The following SWI5 variants were observed in gnomAD, a reference collection of about 807,000 sequenced individuals.
SWI5 encodes the protein SWI5 homologous recombination repair protein.
In SWI5, 12 loss-of-function variants were observed where a neutral mutation model predicts 17.0. The ratio of observed to expected loss-of-function variants is 0.71; its 90% CI spans 0.45 to 1.14. SWI5 has a LOEUF of 1.14. Among genes scored for constraint, SWI5 ranks in the 50% most tolerant of loss-of-function variants. SWI5 has a pLI of 0.00. For missense variants in SWI5, 158 were observed against 162.2 expected, an observed-to-expected ratio of 0.97 and a Z score of 0.14; for synonymous variants, 61 against 64.0, an observed-to-expected ratio of 0.95 and a Z score of 0.22.
chr9:128,277,047 T>G (rs1831416264), intron 2 of SWI5, among the ~76,000 whole-genome samples: 1 of 151,678 alleles, frequency 6.6e-6, no homozygotes, highest in Non-Finnish European at 1.5e-5. Context: ...ACCAGCCATC[T>G]CTCCTCCTCG....
chr9:128,280,536 GTC>G (rs1309170908), intron 2 of SWI5, among the ~76,000 whole-genome samples: 3 of 149,192 alleles, frequency 2.0e-5, no homozygotes, highest in African/African-American at 7.4e-5. Context: ...AAAAACAAGA[GTC>G]TCGCTCTGCC....
chr9:128,276,307 G>A (rs1303303790), exon 1 of SWI5: 3 of 1,612,874 alleles, frequency 1.9e-6, no homozygotes, highest in Non-Finnish European at 2.5e-6. Flanking sequence ...TTCCTGGCCC[G>A]GTGCACCTGA....
intron 4 of SWI5, chr9:128,286,240 T>C: frequency 1.9e-6 from 1 of 530,836 alleles, no homozygotes; most frequent in East Asian, 3.0e-5. Flanking sequence ...CAGAACCTGC[T>C]TTGGAGCCGC....
chr9:128,275,872 C>A, upstream of SWI5: 1 of 1,407,226 alleles, frequency 7.1e-7, no homozygotes, highest in Non-Finnish European at 9.8e-7. Flanking sequence ...GGTCGGGGGG[C>A]CGCGACCCGG....
Position 128,285,187 on chromosome 9 carries a change from GGAGA to G in SWI5, c.233+564_233+567del, listed in dbSNP as rs144607617. On this transcript the variant is annotated intron_variant, in intron 3 of 4. Coordinates refer to ENST00000418976, the Ensembl canonical transcript of SWI5. This position sits in a 1 kb window ranked among gnomAD's most constrained non-coding sequence, Gnocchi z 4.8. Reference sequence around the variant, plus strand: ...TAAAGAAAGAGAAAGAGGGCGAGAGGGAGAGAGAGAGGAGAGGAAAGAAAAAGGA... The same window carrying G: ...TAAAGAAAGAGAAAGAGGGCGAGAGGGAGAGAGGAGAGGAAAGAAAAAGGA... Among the ~76,000 whole-genome samples the G allele has an allele frequency of 6.6e-6, 1 of 150,548 alleles. No homozygotes were observed. Among genetic ancestry groups the G allele is most frequent in the African/African-American group, 2.4e-5 (1 of 40,854 alleles).
At chr9:128,275,951 G>C (rs374049328), upstream of SWI5, 1 of 1,595,724 alleles carries the variant, frequency 6.3e-7, no homozygotes, top group Non-Finnish European at 8.5e-7. Context: ...CGCGGGGCGG[G>C]GAGGGAGGCG....
intron 2 of SWI5, among the ~76,000 whole-genome samples, chr9:128,284,221 G>A (rs1564374792): frequency 2.7e-5 from 4 of 150,372 alleles, no homozygotes; most frequent in African/African-American, 4.9e-5. Flanking sequence ...CCTGGGAGGC[G>A]GAGGTTGCAG....
intron 2 of SWI5, among the ~76,000 whole-genome samples, chr9:128,282,121 G>C (rs1016544746): frequency 1.3e-5 from 2 of 152,198 alleles, no homozygotes; most frequent in African/African-American, 4.8e-5. Flanking sequence ...GGGTGCGGTG[G>C]CTCACGCCTG....
intron 2 of SWI5, among the ~76,000 whole-genome samples, chr9:128,282,173 T>C (rs1831550620): frequency 6.6e-6 from 1 of 152,098 alleles, no homozygotes; most frequent in Non-Finnish European, 1.5e-5. Flanking sequence ...CGGATCACGA[T>C]GTCAGGAGCT....
At chr9:128,276,826 C>T in intron 2 of SWI5, 71 bp downstream of exon 2, 1 of 1,478,696 alleles carries the variant, frequency 6.8e-7, no homozygotes. Context: ...GCCCCACTCC[C>T]CATCCCAACA....
intron 2 of SWI5, among the ~76,000 whole-genome samples, chr9:128,277,995 C>T (rs1266844249): frequency 6.9e-6 from 1 of 145,742 alleles, no homozygotes; most frequent in Non-Finnish European, 1.5e-5. Flanking sequence ...CTCTGTCGCC[C>T]GGGCTGGAGT....
chr9:128,275,572 G>A, upstream of SWI5: 13 of 1,139,494 alleles, frequency 1.1e-5, no homozygotes, highest in Non-Finnish European at 1.5e-5. Flanking sequence ...GGGCTGAATT[G>A]CTGGGGTCCT....
intron 2 of SWI5, among the ~76,000 whole-genome samples, chr9:128,283,556 A>G (rs529403261): frequency 5.3e-5 from 8 of 152,290 alleles, no homozygotes; most frequent in Admixed American, 5.2e-4. Flanking sequence ...AGCCCAAGAC[A>G]GACCTGGAGC....
rs556029203 is a variant in SWI5, at chr9:128,283,999, A to G, written c.112-511A>G. On this transcript the variant is annotated intron_variant, in intron 2 of 4. Transcript: ENST00000418976. ...CAGAACAAGACCCTATTAAAAAAAA[A>G]AAATGTTGTGGGGTGGGGCTAGGCA... is the stretch of plus-strand genomic sequence containing the variant. Among the ~76,000 whole-genome samples the G allele has an allele frequency of 5.3e-5, 8 of 151,984 alleles. No individual in the cohort carries two copies. In the East Asian group the frequency reaches 1.6e-3, roughly 29 times the overall value.
intron 3 of SWI5, among the ~76,000 whole-genome samples, chr9:128,284,871 G>A (rs767777039): frequency 2.0e-5 from 3 of 149,288 alleles, no homozygotes; most frequent in Non-Finnish European, 2.9e-5. Flanking sequence ...CAGAAGAATC[G>A]CTTAAACCTG....
At chr9:128,286,268 G>T in intron 4 of SWI5, 2 of 495,968 alleles carry the variant, frequency 4.0e-6, no homozygotes, top group Non-Finnish European at 7.3e-6. Context: ...TTTGAGCGGG[G>T]CTTGCCCATC....
chr9:128,275,503 G>T, upstream of SWI5: 1 of 1,309,768 alleles, frequency 7.6e-7, no homozygotes, highest in Non-Finnish European at 9.8e-7. Context: ...GGAGGTGAGG[G>T]TCGAGTCTGG....
At chr9:128,278,330 AG>A (rs1187703721) in intron 2 of SWI5, among the ~76,000 whole-genome samples, 1 of 152,074 alleles carries the variant, frequency 6.6e-6, no homozygotes, top group Admixed American at 6.6e-5. Flanking sequence ...GCACTTTGGG[AG>A]GCTAAGGTGA....
intron 2 of SWI5, among the ~76,000 whole-genome samples, chr9:128,281,015 A>G (rs1850658336): frequency 6.9e-6 from 1 of 144,576 alleles, no homozygotes; most frequent in African/African-American, 2.5e-5. Flanking sequence ...TGTTCAATAC[A>G]GATTCAACCA....
Sources: gnomAD v4.1 joint callset for allele counts (sites outside exome capture counted in the v4.1 genomes callset) on GRCh38, gnomAD v4.1.1 for gene constraint, Gnocchi (gnomAD v3.1) non-coding constraint, MANE v1.5 for transcripts, NCBI Gene and HGNC (gene_info 2026-07-23, HGNC 2026-07-21) for gene names.